Variants in ATAD5 observed in about 807,000 individuals in gnomAD.
The protein encoded by ATAD5 is ATPase family AAA domain containing 5.
Under a neutral mutation model 176.9 loss-of-function variants are expected in ATAD5, and 58 were observed. That is an observed-to-expected ratio of 0.33 (90% CI 0.27 to 0.41). The LOEUF (loss-of-function observed/expected upper bound fraction) is 0.41. Ranked by LOEUF, ATAD5 falls within the 10% of genes least tolerant of loss-of-function variation. ATAD5 has a pLI of 1.00. For synonymous variants in ATAD5, 640 were observed against 712.6 expected, an observed-to-expected ratio of 0.90 and a Z score of 1.62; for missense variants, 1,789 against 2,094.1, an observed-to-expected ratio of 0.85 and a Z score of 2.84.
intron 10 of ATAD5, among the ~76,000 whole-genome samples, chr17:30,863,696 G>A (rs1385535820): frequency 1.6e-4 from 18 of 114,348 alleles, no homozygotes; most frequent in South Asian, 5.6e-4. Flanking sequence ...ACAAAGTCTC[G>A]CTCTGTCACC....
intron 17 of ATAD5, among the ~76,000 whole-genome samples, chr17:30,878,646 T>C (rs1908804394): frequency 6.7e-6 from 1 of 150,030 alleles, no homozygotes. Context: ...TACTTACAAA[T>C]TAATGCCCAT....
chr17:30,877,966 A>G (rs369972936), intron 16 of ATAD5, 37 bp from the exon 17 acceptor site: 7 of 1,330,036 alleles, frequency 5.3e-6, no homozygotes, highest in Non-Finnish European at 7.5e-6. Context: ...TGATATTAGT[A>G]AGTGTATTAA....
Position 30,835,631 on chromosome 17 carries a change from G to A in ATAD5, c.1550G>A (p.Arg517Lys), listed in dbSNP as rs1398740167. ...TTAAAAGAGAAACAATATCAAAATA[G>A]AATGAGTTTAAGACAAAGGAAAACA... ...FFLKEKQYQN[R>K]MSLRQRKTEF... The change falls in exon 2 of 23, where the codon AGA becomes AAA. Residue 517 changes from arginine to lysine, a missense_variant. Physicochemically the swap from Arg to Lys is conservative, Grantham distance 26. Transcript: ENST00000321990. 1 of 1,608,184 alleles carries A rather than the reference G, an allele frequency of 6.2e-7. No homozygotes were observed. The highest frequency in any genetic ancestry group is 8.5e-7 in the Non-Finnish European group (1 of 1,178,110).
Position 30,835,552 on chromosome 17 carries a change from A to G in ATAD5, c.1471A>G (p.Ile491Val), listed in dbSNP as rs1905678501. The G allele has an allele frequency of 6.2e-7, 1 of 1,611,578 alleles. No homozygotes were observed. The highest frequency in any genetic ancestry group is 1.3e-5 in the African/African-American group (1 of 74,772). Reference sequence around the variant, plus strand: ...TAAGAAAACATTAGATACTGGGGCTATTCCAGGCAAAAACAGAGAGGGAAA... The same window carrying G: ...TAAGAAAACATTAGATACTGGGGCTGTTCCAGGCAAAAACAGAGAGGGAAA... Reference protein sequence around the residue: ...KNKKTLDTGAIPGKNREGNTQ... With the variant: ...KNKKTLDTGAVPGKNREGNTQ... The change falls in exon 2 of 23, where the codon ATT becomes GTT. Residue 491 changes from isoleucine to valine, a missense_variant. Transcript: ENST00000321990.
At chr17:30,875,811 T>C (rs1490660157) in intron 14 of ATAD5, among the ~76,000 whole-genome samples, 1 of 115,256 alleles carries the variant, frequency 8.7e-6, no homozygotes, top group Non-Finnish European at 1.8e-5. Flanking sequence ...AAAAAAAAAA[T>C]GTGTGTTTCT....
chr17:30,894,775 A>G (rs1909826730), intron 22 of ATAD5, 53 bp downstream of exon 22: 1 of 1,556,372 alleles, frequency 6.4e-7, no homozygotes, highest in Admixed American at 2.0e-5. Context: ...AGATTAATAC[A>G]TATTTTCATA....
intron 19 of ATAD5, among the ~76,000 whole-genome samples, chr17:30,891,876 A>G (rs958275375): frequency 3.4e-5 from 5 of 149,240 alleles, no homozygotes; most frequent in African/African-American, 9.9e-5. Flanking sequence ...AATAGAGACA[A>G]GGTTTCACCA....
At chr17:30,866,338 C>T (rs1037154104) in intron 11 of ATAD5, among the ~76,000 whole-genome samples, 6 of 150,602 alleles carry the variant, frequency 4.0e-5, no homozygotes, top group Non-Finnish European at 8.9e-5. Context: ...GCTGGGACTA[C>T]AGGGGTGCAC....
At chr17:30,851,883 CTT>C (rs1289979544) in intron 6 of ATAD5, among the ~76,000 whole-genome samples, 1 of 152,148 alleles carries the variant, frequency 6.6e-6, no homozygotes, top group East Asian at 1.9e-4. Context: ...TGCCTGGCCT[CTT>C]TTGCTTTTTT....
chr17:30,888,055 G>A (rs903259556), intron 19 of ATAD5, among the ~76,000 whole-genome samples: 6 of 151,386 alleles, frequency 4.0e-5, no homozygotes, highest in Admixed American at 2.6e-4. Context: ...GGCTGGTCTC[G>A]AACTCCTGAC....
Position 30,895,436 on chromosome 17 carries a change from G to C in ATAD5, c.*523G>C, listed in dbSNP as rs1489886604. ...TTTTTTTTTTTTGAGACGGAATCTT[G>C]CTCTGTCACCCAGGCTGGAGTGCAG... On this transcript the variant is annotated 3_prime_UTR_variant, in exon 23 of 23. Coordinates refer to ENST00000321990, the MANE Select transcript of ATAD5 (RefSeq NM_024857.5). 9.0e-6 allele frequency: 1 copy of C among 110,962 alleles called. No individual in the cohort carries two copies. The highest frequency in any genetic ancestry group is 1.1e-4 in the Admixed American group (1 of 8,884). 6.9% of individuals were successfully genotyped at this position (110,962 alleles called of 1,614,324 possible).
At chr17:30,883,124 A>ATTTT (rs869117449) in intron 18 of ATAD5, among the ~76,000 whole-genome samples, 2 of 137,410 alleles carry the variant, frequency 1.5e-5, no homozygotes, top group African/African-American at 2.7e-5. Context: ...TAAACACCAG[A>ATTTT]TTTTTTTTTT....
chr17:30,892,723 G>A lies in ATAD5; in HGVS notation c.4375G>A (p.Ala1459Thr). The A allele has an allele frequency of 6.3e-7, 1 of 1,591,296 alleles. No homozygotes were observed. Among genetic ancestry groups the A allele is most frequent in the Non-Finnish European group, 8.5e-7 (1 of 1,169,902 alleles). ...CCTTCCAAAATGTGACAGTGGCTGT[G>A]CTGAGACCTTGTTTGGCCTTAAGAA... Reference protein sequence around the residue: ...VDLPKCDSGCAETLFGLKNIF... With the variant: ...VDLPKCDSGCTETLFGLKNIF... The change falls in exon 20 of 23, where the codon GCT becomes ACT. Residue 1459 changes from alanine to threonine, a missense_variant. Physicochemically the swap from Ala to Thr is moderately conservative, Grantham distance 58 (BLOSUM62 0). Transcript: ENST00000321990.
chr17:30,858,218 A>C lies in ATAD5; in HGVS notation c.2851A>C (p.Ile951Leu), dbSNP rs765918929. The C allele has an allele frequency of 1.1e-5, 18 of 1,596,014 alleles. 1 individual carries two copies. The South Asian group carries it at 1.7e-4, about 15-fold the overall frequency. Residue 951 changes from isoleucine (I) to leucine (L), a missense_variant, in exon 9 of 23, where the codon ATT becomes CTT. Ile to Leu is a conservative substitution (Grantham distance 5). Around this residue, in one of 6 missense-constraint regions of ATAD5, gnomAD observed 487 missense variants for 573.6 expected, o/e 0.85. Coordinates refer to ENST00000321990, the MANE Select transcript of ATAD5 (RefSeq NM_024857.5). ...EEVRNLLLEE[I>L]RWSNPEFSLK... is the part of the protein sequence containing the mutation. ...AGTAAGAAATCTTTTGCTTGAGGAA[A>C]TTAGGTGGTCAAATCCTGAATTTTC...
At chr17:30,884,424 C>CTTTTTTTTTTTTTTTTT (rs61664127) in intron 18 of ATAD5, among the ~76,000 whole-genome samples, 5 of 80,982 alleles carry the variant, frequency 6.2e-5, no homozygotes, top group African/African-American at 1.2e-4. Context: ...CTTTTCTTTT[C>CTTTTTTTTTTTTTTTTT]TTTTTTTTTT....
intron 19 of ATAD5, among the ~76,000 whole-genome samples, chr17:30,891,986 C>T (rs1313427314): frequency 2.0e-5 from 3 of 151,638 alleles, no homozygotes; most frequent in Non-Finnish European, 2.9e-5. Context: ...GGATTACAGG[C>T]GTGAGCCACC....
At chr17:30,845,487 A>G (rs746998852) in intron 6 of ATAD5, among the ~76,000 whole-genome samples, 2 of 152,192 alleles carry the variant, frequency 1.3e-5, no homozygotes, top group Non-Finnish European at 1.5e-5. Context: ...AGAACTGTCT[A>G]TGTAAAGTCT....
intron 18 of ATAD5, among the ~76,000 whole-genome samples, chr17:30,881,231 T>G (rs952030596): frequency 2.6e-5 from 4 of 151,946 alleles, no homozygotes; most frequent in Non-Finnish European, 5.9e-5. Flanking sequence ...CAGGCTGCAG[T>G]GAGATAATTG....
Position 30,834,226 on chromosome 17 carries a change from A to C in ATAD5, c.145A>C (p.Thr49Pro). 6.2e-7 allele frequency: 1 copy of C among 1,612,644 alleles called. No homozygotes were observed. The highest frequency in any genetic ancestry group is 8.5e-7 in the Non-Finnish European group (1 of 1,179,604). Residue 49 changes from threonine (T) to proline (P), a missense_variant, in exon 2 of 23, where the codon ACT (threonine) becomes CCT (proline). Around this residue, in one of 6 missense-constraint regions of ATAD5, gnomAD observed 696 missense variants for 712.5 expected, o/e 0.98. Coordinates refer to ENST00000321990, the MANE Select transcript of ATAD5 (RefSeq NM_024857.5). The stretch of plus-strand genomic sequence containing the variant: ...AAAATATTTATCACCACTAGGGAAG[A>C]CTAGAGACAGGGTTTTTGCTCCACC... Reference protein sequence around the residue: ...ITKYLSPLGKTRDRVFAPPKP... With the variant: ...ITKYLSPLGKPRDRVFAPPKP...
Sources: allele counts gnomAD v4.1 joint callset (sites outside exome capture counted in the v4.1 genomes callset), GRCh38; gene constraint gnomAD v4.1.1; regional missense constraint gnomAD v4.1.1; transcripts MANE v1.5; gene names NCBI Gene and HGNC (gene_info 2026-07-23, HGNC 2026-07-21).